Variants in TRRAP observed in about 807,000 individuals in gnomAD.
The protein encoded by TRRAP is transformation/transcription domain associated protein.
A neutral mutation model predicts 438.8 loss-of-function variants in TRRAP; 41 were observed. The ratio of observed to expected loss-of-function variants is 0.09; its 90% CI spans 0.07 to 0.12. The LOEUF (loss-of-function observed/expected upper bound fraction) is 0.12, where lower values mean the gene tolerates loss of function less well. Ranked by LOEUF, TRRAP falls within the 10% of genes least tolerant of loss-of-function variation. The pLI is 1.00. For synonymous variants in TRRAP, 1,994 were observed against 1,962.9 expected (o/e 1.02, Z -0.42); for missense variants, 3,122 against 5,055.1 (o/e 0.62, Z 11.60).
intron 40 of TRRAP, among the ~76,000 whole-genome samples, chr7:98,954,146 G>T (rs1791481516): frequency 6.6e-6 from 1 of 152,092 alleles, no homozygotes. Flanking sequence ...GAGTACCTCG[G>T]TGGTTTGGGC....
chr7:98,942,361 T>C (rs922494781), intron 30 of TRRAP, among the ~76,000 whole-genome samples: 4 of 152,228 alleles, frequency 2.6e-5, no homozygotes, highest in Non-Finnish European at 5.9e-5. Flanking sequence ...CCTTCTGTGC[T>C]GTCAGGGCCT....
intron 6 of TRRAP, among the ~76,000 whole-genome samples, chr7:98,894,290 A>G (rs1044168367): frequency 2.6e-5 from 4 of 152,224 alleles, no homozygotes; most frequent in African/African-American, 9.7e-5. Flanking sequence ...GTAAAGTGAC[A>G]ATAATCATAG....
chr7:98,972,827 T>C (rs1399779030), intron 53 of TRRAP, among the ~76,000 whole-genome samples: 1 of 152,250 alleles, frequency 6.6e-6, no homozygotes, highest in Admixed American at 6.5e-5. Flanking sequence ...GTTGAACTTG[T>C]GCACTGGATC....
chr7:98,904,739 G>A (rs1554407259), intron 12 of TRRAP, among the ~76,000 whole-genome samples: 1 of 152,132 alleles, frequency 6.6e-6, no homozygotes. Context: ...TTTTTAACAA[G>A]ATATTATAGG....
chr7:98,890,078 G>A (rs1421367178), intron 3 of TRRAP, among the ~76,000 whole-genome samples: 1 of 152,156 alleles, frequency 6.6e-6, no homozygotes, highest in African/African-American at 2.4e-5. Context: ...GCTAGTACAG[G>A]TTCCAGGTTC....
intron 17 of TRRAP, 60 bp from the exon 18 acceptor site, chr7:98,911,962 T>C: frequency 6.8e-7 from 1 of 1,470,526 alleles, no homozygotes; most frequent in Non-Finnish European, 9.3e-7. Context: ...CTTACTACTT[T>C]GTCTTAAAAC....
At chr7:98,943,991 C>A (rs1285921704) in intron 31 of TRRAP, among the ~76,000 whole-genome samples, 1 of 152,188 alleles carries the variant, frequency 6.6e-6, no homozygotes, top group Non-Finnish European at 1.5e-5. Flanking sequence ...TTTCCTACTG[C>A]TTCTAAACAG....
intron 47 of TRRAP, 71 bp downstream of exon 47, chr7:98,962,498 T>G: frequency 6.2e-7 from 1 of 1,606,282 alleles, no homozygotes. Flanking sequence ...TGGACGTGCT[T>G]CCCTTTGGGA....
At chr7:98,987,284 G>A (rs1793194756) in intron 62 of TRRAP, among the ~76,000 whole-genome samples, 2 of 152,202 alleles carry the variant, frequency 1.3e-5, no homozygotes, top group Admixed American at 6.5e-5. Flanking sequence ...GACAGAGATT[G>A]CATTGAATCT....
chr7:98,962,479 C>A (rs747416791), intron 47 of TRRAP, 52 bp downstream of exon 47: 46 of 1,611,512 alleles, frequency 2.9e-5, no homozygotes, highest in Non-Finnish European at 3.9e-5. Flanking sequence ...GGCCTCTTTC[C>A]CCGCTCACTG....
At chr7:98,945,700 G>T in intron 31 of TRRAP, 47 bp from the exon 32 acceptor site, 1 of 1,592,246 alleles carries the variant, frequency 6.3e-7, no homozygotes, top group Non-Finnish European at 8.5e-7. Flanking sequence ...AAGTTTTTAT[G>T]TAAATAACAT....
chr7:98,887,421 GC>G (rs1316474719), intron 3 of TRRAP, among the ~76,000 whole-genome samples: 13 of 152,248 alleles, frequency 8.5e-5, no homozygotes, highest in Admixed American at 2.0e-4. Context: ...GGTGAAAGGT[GC>G]CAAACACAGT....
chr7:99,004,698 C>G (rs546298935), intron 68 of TRRAP, among the ~76,000 whole-genome samples: 1 of 152,298 alleles, frequency 6.6e-6, no homozygotes, highest in African/African-American at 2.4e-5. Flanking sequence ...CTTGTAAATC[C>G]TCGAAGCACA....
At chr7:98,909,764 C>T (rs768945253) in intron 14 of TRRAP, among the ~76,000 whole-genome samples, 2 of 146,290 alleles carry the variant, frequency 1.4e-5, no homozygotes, top group South Asian at 2.3e-4. Context: ...ACATGCAAAA[C>T]GGATATGGTA....
At chr7:98,933,565 C>T (rs1330175140) in intron 27 of TRRAP, among the ~76,000 whole-genome samples, 163 bp downstream of exon 27, 32 of 152,030 alleles carry the variant, frequency 2.1e-4, no homozygotes, top group Admixed American at 1.8e-3. Flanking sequence ...AGGTATGTTG[C>T]GTCTGGGCTC....
intron 12 of TRRAP, among the ~76,000 whole-genome samples, chr7:98,904,082 C>A (rs1796600121): frequency 6.6e-6 from 1 of 152,082 alleles, no homozygotes; most frequent in Non-Finnish European, 1.5e-5. Context: ...AGTGCTGGGA[C>A]TACTGGTGTG....
chr7:98,897,681 G>GTT (rs10692667), intron 7 of TRRAP, 60 bp from the exon 8 acceptor site: 16,173 of 1,431,910 alleles, frequency 0.011, 278 homozygotes, highest in South Asian at 0.019. Flanking sequence ...GTTTTGTTTT[G>GTT]TTTTTGAATG....
At position 98,967,683 on chromosome 7, in the gene TRRAP, C is replaced by T. The variant is rs868532354; in HGVS notation, c.7497C>T (p.Ile2499=). 6.2e-7 allele frequency: 1 copy of T among 1,613,792 alleles called. No individual in the cohort carries two copies. Among genetic ancestry groups the T allele is most frequent in the South Asian group, 1.1e-5 (1 of 91,072 alleles). Residue 2499 remains isoleucine (I), a synonymous_variant, in exon 51 of 73, where the codon ATC becomes ATT. Transcript: ENST00000456197. ...NWEAMGNHFW[I]KQCIELLLAV... ...AAGCCATGGGGAACCACTTCTGGAT[C>T]AAGCAGTGCATTGAGGTAGGAAGAC...
At chr7:98,888,344 C>T (rs925130020) in intron 3 of TRRAP, among the ~76,000 whole-genome samples, 1 of 151,690 alleles carries the variant, frequency 6.6e-6, no homozygotes, top group Non-Finnish European at 1.5e-5. Flanking sequence ...CAAGACCAGC[C>T]TGACCAACAT....
Sources: gnomAD v4.1 joint callset for allele counts (sites outside exome capture counted in the v4.1 genomes callset) on GRCh38, gnomAD v4.1.1 for gene constraint, MANE v1.5 for transcripts, NCBI Gene and HGNC (gene_info 2026-07-23, HGNC 2026-07-21) for gene names.